The following PILRA variants were observed in gnomAD, a reference collection of about 807,000 sequenced individuals.
PILRA encodes paired immunoglobulin-like type 2 receptor alpha.
A neutral mutation model predicts 33.1 loss-of-function variants in PILRA; 37 were observed. The ratio of observed to expected loss-of-function variants is 1.12; its 90% CI spans 0.86 to 1.47. PILRA has a LOEUF of 1.47. Ranked by LOEUF, PILRA falls within the 40% of genes most tolerant of loss-of-function variation. The pLI is 0.00. For synonymous variants in PILRA, 146 were observed against 149.9 expected, an observed-to-expected ratio of 0.97 and a Z score of 0.19; for missense variants, 312 against 376.2, an observed-to-expected ratio of 0.83 and a Z score of 1.41.
chr7:100,394,733 T>A (rs552877272), intron 3 of PILRA, among the ~76,000 whole-genome samples: 14 of 152,102 alleles, frequency 9.2e-5, no homozygotes, highest in African/African-American at 3.1e-4. Flanking sequence ...GAGCACTTAA[T>A]GGGCAAAGGA....
chr7:100,373,554 GC>G lies in PILRA; in HGVS notation c.-102del. On this transcript the variant is annotated 5_prime_UTR_variant, in exon 1 of 7. Transcript: ENST00000198536. ...CAGCCCTCTTCGGAGCCTGAGCCCG[GC>G]TCTCCTCACTCACCTCAACCCCCAG... 7.5e-7 allele frequency: 1 copy of G among 1,341,788 alleles called. No individual in the cohort carries two copies. The highest frequency in any genetic ancestry group is 1.1e-6 in the Non-Finnish European group (1 of 942,076). The allele number at this position is 1,341,788 out of a possible 1,614,324, so 83.1% of individuals were successfully genotyped here. A position where few individuals can be genotyped will look rare whatever the true frequency, so the allele number is the denominator to read the frequency against.
chr7:100,372,825 C>T (rs573236537), upstream of PILRA, among the ~76,000 whole-genome samples: 2 of 152,264 alleles, frequency 1.3e-5, no homozygotes, highest in South Asian at 2.1e-4. Context: ...CTGCAAGTCA[C>T]GTGGCCTGGG....
chr7:100,382,902 G>A (rs567300538), intron 2 of PILRA, among the ~76,000 whole-genome samples: 5 of 152,218 alleles, frequency 3.3e-5, no homozygotes, highest in East Asian at 3.9e-4. Flanking sequence ...CTCCGGACAC[G>A]CCGCCTTTAA....
chr7:100,390,092 G>A lies in PILRA; in HGVS notation c.659G>A (p.Trp220Ter), dbSNP rs773051452. The A allele has an allele frequency of 1.2e-6, 2 of 1,613,814 alleles. No homozygotes were observed. Among genetic ancestry groups the A allele is most frequent in the African/African-American group, 2.7e-5 (2 of 74,884 alleles). Residue 220 changes from tryptophan (W) to a stop codon, truncating the protein, a stop_gained, in exon 3 of 7, where the codon TGG becomes TAG. Coordinates refer to ENST00000198536, the MANE Select transcript of PILRA (RefSeq NM_013439.3). LOFTEE classifies it high-confidence loss of function. ...TTGGGACTGATCTGCCTCCTCAGGTGGAGGAGAAGGAAAGGTAAGTGCCCA... is the reference window on the plus strand; with the variant it reads ...TTGGGACTGATCTGCCTCCTCAGGTAGAGGAGAAGGAAAGGTAAGTGCCCA... ...MILGLICLLR[W>*]RRRKGQQRTK... is the part of the protein sequence containing the mutation.
At chr7:100,372,786 T>C (rs1790850651), upstream of PILRA, among the ~76,000 whole-genome samples, 1 of 151,988 alleles carries the variant, frequency 6.6e-6, no homozygotes, top group East Asian at 1.9e-4. Context: ...GACATCTGGG[T>C]TGAGGGGGCT....
rs550365404 is a variant in PILRA, at chr7:100,374,156, G to A, written c.177G>A (p.Trp59Ter). ...TCCCCTTCTCCTTCTATTACCCCTG[G>A]GAGTTAGCCACAGCTCCCGACGTGA... ...VEIPFSFYYP[W>*]ELATAPDVRI... Residue 59 changes from tryptophan to a stop codon, truncating the protein, a stop_gained, in exon 2 of 7, where the codon TGG becomes TGA. Coordinates refer to ENST00000198536, the MANE Select transcript of PILRA (RefSeq NM_013439.3). LOFTEE classifies it high-confidence loss of function. The A allele has an allele frequency of 2.5e-6, 4 of 1,614,104 alleles. No homozygotes were observed. The highest frequency in any genetic ancestry group is 1.7e-5 in the Admixed American group (1 of 60,008).
At chr7:100,384,295 A>G (rs1000039701) in intron 2 of PILRA, among the ~76,000 whole-genome samples, 2 of 151,748 alleles carry the variant, frequency 1.3e-5, no homozygotes, top group Non-Finnish European at 2.9e-5. Flanking sequence ...TCGTTACTAG[A>G]CATACAAATG....
At chr7:100,385,060 A>T (rs1008794783) in intron 2 of PILRA, among the ~76,000 whole-genome samples, 2 of 152,244 alleles carry the variant, frequency 1.3e-5, no homozygotes, top group Non-Finnish European at 2.9e-5. Flanking sequence ...ATGGGGGTTT[A>T]AGATCTAAAT....
intron 2 of PILRA, among the ~76,000 whole-genome samples, chr7:100,382,830 G>A (rs768684435): frequency 2.0e-5 from 3 of 152,122 alleles, no homozygotes; most frequent in African/African-American, 4.8e-5. Context: ...GGAAGCCAGC[G>A]AGACCACGAA....
chr7:100,389,132 G>A (rs1193953313), intron 2 of PILRA, among the ~76,000 whole-genome samples: 1 of 152,082 alleles, frequency 6.6e-6, no homozygotes, highest in African/African-American at 2.4e-5. Flanking sequence ...AAAGCACTCC[G>A]TTAAGACGTG....
intron 2 of PILRA, among the ~76,000 whole-genome samples, chr7:100,379,507 A>T (rs936123316): frequency 1.3e-5 from 2 of 151,724 alleles, no homozygotes; most frequent in African/African-American, 4.9e-5. Flanking sequence ...CTCTACTAAA[A>T]ATACAAAAAA....
intron 2 of PILRA, 134 bp from the exon 3 acceptor site, chr7:100,389,754 C>G: frequency 1.4e-6 from 1 of 704,302 alleles, no homozygotes; most frequent in South Asian, 1.6e-5. Context: ...CTGTTCCCCG[C>G]TCCCTGTGTG....
chr7:100,381,784 T>C (rs1791102013), intron 2 of PILRA, among the ~76,000 whole-genome samples: 1 of 151,876 alleles, frequency 6.6e-6, no homozygotes, highest in Non-Finnish European at 1.5e-5. Context: ...CCAGCTAGAG[T>C]TCTGGGTGGG....
At chr7:100,375,671 G>T (rs893422037) in intron 2 of PILRA, among the ~76,000 whole-genome samples, 1 of 152,210 alleles carries the variant, frequency 6.6e-6, no homozygotes, top group African/African-American at 2.4e-5. Context: ...GGTGGAGGTT[G>T]AGGTGAGCTG....
intron 2 of PILRA, among the ~76,000 whole-genome samples, chr7:100,388,749 CAAAAAAAAAAAAAAAAAAA>C (rs913179599): frequency 7.8e-5 from 1 of 12,830 alleles, no homozygotes; most frequent in Non-Finnish European, 1.9e-4. Flanking sequence ...GCCTCCGTCT[CAAAAAAAAAAAAAAAAAAA>C]AAAAAAAAAA....
In PILRA at chr7:100,373,607, T is replaced by C; in HGVS notation, c.-50T>C. 1 of 1,610,570 alleles carries C rather than the reference T, an allele frequency of 6.2e-7. No homozygotes were observed. Among genetic ancestry groups the C allele is most frequent in the Non-Finnish European group, 8.5e-7 (1 of 1,178,372 alleles). Reference sequence around the variant, plus strand: ...CGGCCCCTCCACAGGGCCCCTCTCCTGCCTGGACGGCTCTGCTGGTCTCCC... The same window carrying C: ...CGGCCCCTCCACAGGGCCCCTCTCCCGCCTGGACGGCTCTGCTGGTCTCCC... On this transcript the variant is annotated 5_prime_UTR_variant, in exon 1 of 7. Coordinates refer to ENST00000198536, the MANE Select transcript of PILRA (RefSeq NM_013439.3).
intron 4 of PILRA, 86 bp downstream of exon 4, chr7:100,397,998 G>T: frequency 7.3e-7 from 1 of 1,373,564 alleles, no homozygotes; most frequent in Non-Finnish European, 1.0e-6. Flanking sequence ...GTGCTGCTAA[G>T]AACCCCACAA....
chr7:100,385,107 C>T (rs1584220573), intron 2 of PILRA, among the ~76,000 whole-genome samples: 2 of 152,190 alleles, frequency 1.3e-5, no homozygotes, highest in African/African-American at 4.8e-5. Flanking sequence ...TAGATACCAT[C>T]TAAAACAAGC....
upstream of PILRA, among the ~76,000 whole-genome samples, chr7:100,372,812 C>G (rs1281743161): frequency 6.6e-6 from 1 of 152,166 alleles, no homozygotes; most frequent in African/African-American, 2.4e-5. Context: ...CCTGTACCCA[C>G]TACTGCAAGT....
Sources: allele counts gnomAD v4.1 joint callset (sites outside exome capture counted in the v4.1 genomes callset), GRCh38; gene constraint gnomAD v4.1.1; transcripts MANE v1.5; gene names NCBI Gene and HGNC (gene_info 2026-07-23, HGNC 2026-07-21).